Variants in DEPDC5 observed in about 807,000 individuals in gnomAD.
DEPDC5 encodes the protein GATOR1 complex protein DEPDC5.
DEPDC5 carries 73 observed loss-of-function variants against 217.3 expected under a neutral mutation model. The ratio of observed to expected loss-of-function variants is 0.34; its 90% CI spans 0.28 to 0.41. The LOEUF is 0.41. Ranked by LOEUF, DEPDC5 falls within the 10% of genes least tolerant of loss-of-function variation. The pLI is 1.00. For synonymous variants in DEPDC5, 733 were observed against 756.7 expected, an observed-to-expected ratio of 0.97 and a Z score of 0.51; for missense variants, 1,675 against 2,070.1, an observed-to-expected ratio of 0.81 and a Z score of 3.70.
At chr22:31,813,651 C>T (rs1000639373) in intron 20 of DEPDC5, among the ~76,000 whole-genome samples, 2 of 150,996 alleles carry the variant, frequency 1.3e-5, no homozygotes, top group African/African-American at 4.9e-5. Flanking sequence ...GAGGTTTTCC[C>T]CTTAGGGAAT....
chr22:31,776,686 G>T lies in DEPDC5; in HGVS notation c.414-1413G>T, dbSNP rs533169430. On this transcript the variant is annotated intron_variant, in intron 7 of 42. Transcript: ENST00000651528. ...CTGCCTCCGGGGTTCAAGTGATTCTGCCTCAGCTTCCTGAGAAGCTGAGAT... is the reference window on the plus strand; with the variant it reads ...CTGCCTCCGGGGTTCAAGTGATTCTTCCTCAGCTTCCTGAGAAGCTGAGAT... 7.0e-5 allele frequency among the ~76,000 whole-genome samples: 10 copies of T among 142,940 alleles called. 1 individual carries two copies. The South Asian group carries it at 2.2e-3, about 31-fold the overall frequency. 93.8% of individuals were successfully genotyped at this position (142,940 alleles called of 152,430 possible).
intron 11 of DEPDC5, 114 bp from the exon 12 acceptor site, chr22:31,792,631 A>AG: frequency 1.7e-6 from 1 of 585,560 alleles, no homozygotes; most frequent in Non-Finnish European, 2.7e-6. Context: ...AAAAAAAAAA[A>AG]AGACAGTTAT....
At position 31,845,024 on chromosome 22, in the gene DEPDC5, T is replaced by A; in HGVS notation, c.2808T>A (p.Ile936=). Residue 936 remains isoleucine (I), a synonymous_variant, in exon 30 of 43, where the codon ATT becomes ATA. Transcript: ENST00000651528. ...CSAGSEDFSL[I]ESLKFWRTRF... is the part of the protein sequence containing the mutation. ...GTTTTCCTTGCCCCCTTAGCTTAAT[T>A]GAGTCCCTGAAGTTCTGGAGGACCC... 1.2e-6 allele frequency: 2 copies of A among 1,614,128 alleles called. No individual in the cohort carries two copies. Among genetic ancestry groups the A allele is most frequent in the Admixed American group, 1.7e-5 (1 of 60,016 alleles).
At chr22:31,873,082 A>G in intron 34 of DEPDC5, 173 bp from the exon 35 acceptor site, 1 of 1,293,770 alleles carries the variant, frequency 7.7e-7, no homozygotes, top group Non-Finnish European at 1.0e-6. Context: ...AAAATAGGAA[A>G]CCCCCTATGA....
intron 32 of DEPDC5, among the ~76,000 whole-genome samples, chr22:31,859,602 A>G (rs1340976157): frequency 1.3e-5 from 2 of 151,356 alleles, no homozygotes; most frequent in Non-Finnish European, 2.9e-5. Flanking sequence ...CGTGTTGGCC[A>G]GGTTGGTCCC....
At chr22:31,903,066 C>A (rs1276401186) in intron 41 of DEPDC5, among the ~76,000 whole-genome samples, 1 of 151,846 alleles carries the variant, frequency 6.6e-6, no homozygotes, top group African/African-American at 2.4e-5. Flanking sequence ...ACCACAGATA[C>A]CCTCACCTGT....
chr22:31,904,903 C>A (rs1603003000), intron 41 of DEPDC5, among the ~76,000 whole-genome samples: 1 of 152,162 alleles, frequency 6.6e-6, no homozygotes, highest in Admixed American at 6.5e-5. Context: ...GAGGATACAA[C>A]ACAGCACCTC....
intron 21 of DEPDC5, 21 bp from the exon 22 acceptor site, chr22:31,819,001 C>T: frequency 1.9e-6 from 3 of 1,613,720 alleles, no homozygotes; most frequent in Non-Finnish European, 2.5e-6. Flanking sequence ...CTTTGTGACT[C>T]AACTCCATGA....
chr22:31,764,888 T>G, intron 4 of DEPDC5, 87 bp from the exon 5 acceptor site: 2 of 942,626 alleles, frequency 2.1e-6, no homozygotes, highest in Non-Finnish European at 3.5e-6. Context: ...ATTGTGTTGC[T>G]TACTGAGTTG....
chr22:31,856,155 G>GCGCGCACACACACA (rs1226909374), intron 31 of DEPDC5, among the ~76,000 whole-genome samples: 149 of 140,676 alleles, frequency 1.1e-3, no homozygotes, highest in Non-Finnish European at 1.6e-3. Context: ...GGGCCAACGC[G>GCGCGCACACACACA]CACACACACA....
intron 27 of DEPDC5, among the ~76,000 whole-genome samples, 154 bp from the exon 28 acceptor site, chr22:31,842,937 TTTTG>T (rs1280656713): frequency 2.6e-5 from 4 of 152,138 alleles, no homozygotes; most frequent in Non-Finnish European, 5.9e-5. Context: ...CTCAGGAGTT[TTTTG>T]TTTGTTTTTT....
chr22:31,767,236 G>T (rs1014988061), intron 6 of DEPDC5, among the ~76,000 whole-genome samples: 3 of 151,894 alleles, frequency 2.0e-5, no homozygotes, highest in African/African-American at 7.3e-5. Context: ...TGTCGTCTGG[G>T]TTCAAGCGAT....
chr22:31,825,902 T>C (rs1372429779), intron 24 of DEPDC5, among the ~76,000 whole-genome samples: 1 of 152,166 alleles, frequency 6.6e-6, no homozygotes, highest in East Asian at 1.9e-4. Context: ...CTCCAGGATC[T>C]TAGGACATGA....
At position 31,857,503 on chromosome 22, in the gene DEPDC5, G is replaced by C. The variant is rs2092347244; in HGVS notation, c.3214G>C (p.Glu1072Gln). Residue 1072 changes from glutamate (E) to glutamine (Q), a missense_variant, in exon 32 of 43, where the codon GAG becomes CAG. Physicochemically the swap from Glu to Gln is conservative, Grantham distance 29. Around this residue, in one of 11 missense-constraint regions of DEPDC5, gnomAD observed 126 missense variants for 113.8 expected, o/e 1.11. Coordinates refer to ENST00000651528, the MANE Select transcript of DEPDC5 (RefSeq NM_001242896.3). ...HGGKSSAQSA[E>Q]SSSVAMTPTY... ...TGGGAAGAGCTCCGCCCAGTCAGCC[G>C]AGAGCAGCAGCGTTGCCATGACTCC... 3.1e-6 allele frequency: 5 copies of C among 1,612,494 alleles called. No individual in the cohort carries two copies. Among genetic ancestry groups the C allele is most frequent in the South Asian group, 1.1e-5 (1 of 90,564 alleles).
At chr22:31,810,372 C>T (rs2088132763) in intron 19 of DEPDC5, 149 bp from the exon 20 acceptor site, 2 of 1,198,464 alleles carry the variant, frequency 1.7e-6, no homozygotes, top group Non-Finnish European at 2.3e-6. Flanking sequence ...AGGGTGATCA[C>T]CTGTGCCTTG....
At chr22:31,860,942 T>G (rs2092486093) in intron 32 of DEPDC5, among the ~76,000 whole-genome samples, 1 of 152,162 alleles carries the variant, frequency 6.6e-6, no homozygotes, top group Admixed American at 6.5e-5. Flanking sequence ...CCCACCAAGC[T>G]GCTCTGCGGC....
At chr22:31,772,026 T>G (rs2083410903) in intron 7 of DEPDC5, among the ~76,000 whole-genome samples, 1 of 152,044 alleles carries the variant, frequency 6.6e-6, no homozygotes, top group Non-Finnish European at 1.5e-5. Flanking sequence ...TTGATCATTC[T>G]GCTGCCTTCT....
At chr22:31,867,030 G>T (rs1299869051) in intron 33 of DEPDC5, among the ~76,000 whole-genome samples, 1 of 152,174 alleles carries the variant, frequency 6.6e-6, no homozygotes, top group Non-Finnish European at 1.5e-5. Context: ...ACTCTAAAGC[G>T]GAGGGGGGAG....
chr22:31,756,122 A>T (rs957575494), intron 2 of DEPDC5, among the ~76,000 whole-genome samples: 1 of 151,366 alleles, frequency 6.6e-6, no homozygotes, highest in Non-Finnish European at 1.5e-5. Context: ...AGCTCAGGCA[A>T]TCCGCCCACC....
Sources: gnomAD v4.1 joint callset for allele counts (sites outside exome capture counted in the v4.1 genomes callset) on GRCh38, gnomAD v4.1.1 for gene constraint, gnomAD v4.1.1 regional missense constraint, MANE v1.5 for transcripts, NCBI Gene and HGNC (gene_info 2026-07-23, HGNC 2026-07-21) for gene names.